Variants in HELB observed in about 807,000 individuals in gnomAD.
The protein encoded by HELB is DNA helicase B.
In HELB, 96 loss-of-function variants were observed where a neutral mutation model predicts 101.7. That is an observed-to-expected ratio of 0.94 (90% CI 0.80 to 1.12). HELB has a LOEUF of 1.12. Ranked by LOEUF, HELB falls within the 50% of genes most tolerant of loss-of-function variation. The pLI, the probability that HELB is intolerant of heterozygous loss-of-function variation, is 0.00. For missense variants in HELB, 1,210 were observed against 1,291.9 expected (o/e 0.94, Z 0.97); for synonymous variants, 437 against 459.7 (o/e 0.95, Z 0.63).
downstream of HELB, chr12:66,341,469 TTCA>T (rs2053917892): frequency 6.6e-6 from 1 of 152,084 alleles, no homozygotes; most frequent in Admixed American, 6.5e-5. Context: ...GGAACAATGC[TTCA>T]TCAGCCATCC....
intron 4 of HELB, 129 bp from the exon 5 acceptor site, chr12:66,313,857 C>CT (rs749659807): frequency 1.4e-6 from 1 of 729,426 alleles, no homozygotes; most frequent in Non-Finnish European, 2.4e-6. Flanking sequence ...AACCCTATAA[C>CT]TTTTGTGTTT....
chr12:66,316,367 A>G (rs1399930055), intron 6 of HELB, among the ~76,000 whole-genome samples: 1 of 152,178 alleles, frequency 6.6e-6, no homozygotes, highest in Non-Finnish European at 1.5e-5. Flanking sequence ...TACTGAGTCT[A>G]TGTTAGTCAT....
rs1253096488 is a variant in HELB, at chr12:66,322,884, C to G, written c.2297+101C>G. ...TTTGTCACCTATTTACATATATTCC[C>G]AAAATAGTTTTTTTTCCCATTTGTG... On this transcript the variant is annotated intron_variant, in intron 9 of 12. Transcript: ENST00000247815. 4 of 665,458 alleles carry G rather than the reference C, an allele frequency of 6.0e-6. No homozygotes were observed. In the Admixed American group the frequency reaches 1.1e-4, roughly 18 times the overall value. The allele number at this position is 665,458 out of a possible 1,614,324, so 41.2% of individuals were successfully genotyped here. A position where few individuals can be genotyped will look rare whatever the true frequency, so the allele number is the denominator to read the frequency against.
chr12:66,310,183 G>A lies in HELB; in HGVS notation c.1255G>A (p.Val419Met). 1 of 1,614,090 alleles carries A rather than the reference G, an allele frequency of 6.2e-7. No homozygotes were observed. The highest frequency in any genetic ancestry group is 8.5e-7 in the Non-Finnish European group (1 of 1,179,924). ...AAGATTAGAAAATCCTGTGGATGTT[G>A]TGGACACACAGGACAATGGTGACCA... ...EVRLENPVDV[V>M]DTQDNGDHIW... The change falls in exon 4 of 13, where the codon GTG (valine) becomes ATG (methionine). Residue 419 changes from valine (V) to methionine (M), a missense_variant. Physicochemically the swap from Val to Met is conservative, Grantham distance 21 (BLOSUM62 1). Transcript: ENST00000247815.
At chr12:66,337,654 T>G (rs919152669) in intron 12 of HELB, among the ~76,000 whole-genome samples, 12 of 152,176 alleles carry the variant, frequency 7.9e-5, no homozygotes, top group African/African-American at 2.7e-4. Flanking sequence ...ATCACCATCT[T>G]GAAATTCTTA....
At position 66,331,179 on chromosome 12, in the gene HELB, A is replaced by G. The variant is rs767877148; in HGVS notation, c.2696A>G (p.Tyr899Cys). ...GGGTCCGAGGAGCAAACAGTTGTCT[A>G]TGTGGTGGGGAAGGCGGGCCGCCAG... ...FQGSEEQTVV[Y>C]VVGKAGRQHW... is the part of the protein sequence containing the mutation. Residue 899 changes from tyrosine to cysteine, a missense_variant, in exon 12 of 13, where the codon TAT (tyrosine) becomes TGT (cysteine). By Grantham distance (194) the Tyr-to-Cys change is radical. Transcript: ENST00000247815. 8.1e-6 allele frequency: 13 copies of G among 1,610,592 alleles called. No homozygotes were observed. The East Asian group carries it at 2.2e-4, about 28-fold the overall frequency.
chr12:66,328,504 A>G (rs1381182370), intron 11 of HELB, among the ~76,000 whole-genome samples: 1 of 152,204 alleles, frequency 6.6e-6, no homozygotes, highest in Non-Finnish European at 1.5e-5. Flanking sequence ...TGGAGGCTGC[A>G]GTGAGCTCCT....
chr12:66,310,689 T>C, intron 4 of HELB, 81 bp downstream of exon 4: 2 of 1,301,894 alleles, frequency 1.5e-6, no homozygotes, highest in South Asian at 2.8e-5. Flanking sequence ...CCCAGAACTT[T>C]TGGGAGACTG....
chr12:66,312,373 A>G (rs2136994550), intron 4 of HELB, among the ~76,000 whole-genome samples: 1 of 152,348 alleles, frequency 6.6e-6, no homozygotes, highest in South Asian at 2.1e-4. Flanking sequence ...CAAGAGAGTG[A>G]AAGAAGTTTT....
Position 66,322,720 on chromosome 12 carries a change from T to C in HELB, c.2238-4T>C, listed in dbSNP as rs2053685379. On this transcript the variant is annotated splice_polypyrimidine_tract_variant and splice_region_variant and intron_variant, in intron 8 of 12. Transcript: ENST00000247815. ...GGTGACCCCTGCATTTTCGTGTGTT[T>C]CAGGCAAGACTGTGATCTAATTAAT... 6.2e-7 allele frequency: 1 copy of C among 1,606,840 alleles called. No individual in the cohort carries two copies. Among genetic ancestry groups the C allele is most frequent in the African/African-American group, 1.3e-5 (1 of 74,272 alleles).
At chr12:66,334,053 G>A (rs1795529) in intron 12 of HELB, among the ~76,000 whole-genome samples, 2 of 151,772 alleles carry the variant, frequency 1.3e-5, no homozygotes, top group East Asian at 1.9e-4. Context: ...CCAGCTACGC[G>A]GGAGGCTGAG....
At chr12:66,318,531 T>A in intron 6 of HELB, 107 bp from the exon 7 acceptor site, 1 of 1,003,236 alleles carries the variant, frequency 1.0e-6, no homozygotes, top group Non-Finnish European at 1.4e-6. Context: ...TTCTCTCTGT[T>A]ATCTATTAAT....
At chr12:66,330,466 C>G (rs765845636) in intron 11 of HELB, among the ~76,000 whole-genome samples, 3 of 151,124 alleles carry the variant, frequency 2.0e-5, no homozygotes, top group Non-Finnish European at 4.4e-5. Flanking sequence ...TTGTACATAG[C>G]TATGTTCTTT....
At chr12:66,322,426 G>A (rs928720214) in intron 8 of HELB, among the ~76,000 whole-genome samples, 6 of 151,414 alleles carry the variant, frequency 4.0e-5, no homozygotes, top group East Asian at 1.9e-4. Flanking sequence ...TTAGCCAGGC[G>A]TCATGGCACA....
chr12:66,313,537 G>A (rs2053566949), intron 4 of HELB, among the ~76,000 whole-genome samples: 1 of 152,202 alleles, frequency 6.6e-6, no homozygotes, highest in East Asian at 1.9e-4. Context: ...GTTGTTGGGG[G>A]TGGTGCGGTG....
intron 3 of HELB, among the ~76,000 whole-genome samples, chr12:66,307,323 G>C (rs2053488479): frequency 6.6e-6 from 1 of 152,136 alleles, no homozygotes; most frequent in South Asian, 2.1e-4. Flanking sequence ...GTGGAGAAGA[G>C]TGGAAGAGCA....
intron 7 of HELB, among the ~76,000 whole-genome samples, chr12:66,319,811 C>T (rs556012883): frequency 6.6e-6 from 1 of 151,936 alleles, no homozygotes; most frequent in East Asian, 1.9e-4. Context: ...GGTTAGTGAT[C>T]ATTTACATGT....
Position 66,306,434 on chromosome 12 carries a change from A to G in HELB, c.697A>G (p.Ile233Val), listed in dbSNP as rs1402071628. The G allele has an allele frequency of 6.2e-7, 1 of 1,610,862 alleles. No individual in the cohort carries two copies. Among genetic ancestry groups the G allele is most frequent in the Admixed American group, 1.7e-5 (1 of 59,496 alleles). The change falls in exon 3 of 13, where the codon ATA becomes GTA. Residue 233 changes from isoleucine (I) to valine (V), a missense_variant. Around this residue, in one of 2 missense-constraint regions of HELB, gnomAD observed 470 missense variants for 563.1 expected, o/e 0.83. Coordinates refer to ENST00000247815, the MANE Select transcript of HELB (RefSeq NM_001370285.1). ...VLLPRHFKWI[I>V]GSGSKEMLKE... is the part of the protein sequence containing the mutation. The stretch of plus-strand genomic sequence containing the variant: ...TCTGCCTCGACACTTTAAATGGATC[A>G]TAGGGTCAGGTTCTAAAGAGATGTT...
chr12:66,322,926 T>C (rs1341369904), intron 9 of HELB, 143 bp downstream of exon 9: 6 of 500,102 alleles, frequency 1.2e-5, no homozygotes, highest in Non-Finnish European at 2.2e-5. Flanking sequence ...AATGATCTCT[T>C]CAATTAAATA....
Sources: allele counts gnomAD v4.1 joint callset (sites outside exome capture counted in the v4.1 genomes callset), GRCh38; gene constraint gnomAD v4.1.1; regional missense constraint gnomAD v4.1.1; transcripts MANE v1.5; gene names NCBI Gene and HGNC (gene_info 2026-07-23, HGNC 2026-07-21).